Variants in NIPAL3 observed in about 807,000 individuals in gnomAD.
NIPAL3 encodes NIPA like domain containing 3.
Under a neutral mutation model 47.2 loss-of-function variants are expected in NIPAL3, and 41 were observed. The observed-to-expected ratio is 0.87, with a 90% confidence interval of 0.68 to 1.13. NIPAL3 has a LOEUF of 1.13. NIPAL3 is among the 50% of genes most tolerant of loss of function. NIPAL3 has a pLI of 0.00. For missense variants in NIPAL3, 449 were observed against 530.1 expected (o/e 0.85, Z 1.50); for synonymous variants, 194 against 209.6 (o/e 0.93, Z 0.64).
intron 2 of NIPAL3, among the ~76,000 whole-genome samples, chr1:24,429,354 C>CA (rs71032812): frequency 0.98 from 149,865 of 152,342 alleles, 73,723 homozygotes; most frequent in East Asian, 1. Flanking sequence ...CAAATTTAAA[C>CA]TTGGCATTTT....
chr1:24,435,258 C>T (rs935597367), intron 2 of NIPAL3, among the ~76,000 whole-genome samples: 4 of 152,168 alleles, frequency 2.6e-5, no homozygotes, highest in Non-Finnish European at 5.9e-5. Context: ...TAAAAATTAA[C>T]TCAAAATGGA....
intron 2 of NIPAL3, among the ~76,000 whole-genome samples, chr1:24,426,375 A>G (rs1644590617): frequency 6.6e-6 from 1 of 151,756 alleles, no homozygotes; most frequent in African/African-American, 2.4e-5. Flanking sequence ...GCTCACTGCA[A>G]CCTCTACCTT....
intron 10 of NIPAL3, among the ~76,000 whole-genome samples, chr1:24,460,762 T>C (rs1646433603): frequency 6.6e-6 from 1 of 152,194 alleles, no homozygotes; most frequent in Non-Finnish European, 1.5e-5. Context: ...ATTTCTCAAA[T>C]ATCACATTTT....
rs146752843 is a variant in NIPAL3, at chr1:24,455,128, C to T, written c.638-1010C>T. The stretch of plus-strand genomic sequence containing the variant: ...TGTTGGGGGTGTTGGCAGGAGAAAG[C>T]GAAATAAACCAAAGCTGAAGAATAG... On this transcript the variant is annotated intron_variant, in intron 7 of 11. Coordinates refer to ENST00000374399, the MANE Select transcript of NIPAL3 (RefSeq NM_020448.5). Among the ~76,000 whole-genome samples the T allele has an allele frequency of 8.5e-5, 13 of 152,188 alleles. No individual in the cohort carries two copies. In the East Asian group the frequency reaches 1.9e-3, roughly 23 times the overall value.
intron 4 of NIPAL3, among the ~76,000 whole-genome samples, chr1:24,443,316 C>T (rs1480481473): frequency 2.0e-5 from 3 of 152,188 alleles, no homozygotes; most frequent in Admixed American, 1.3e-4. Context: ...GGACAATGAA[C>T]TTGCTTTGAA....
intron 11 of NIPAL3, among the ~76,000 whole-genome samples, chr1:24,467,693 T>C (rs930878119): frequency 6.6e-6 from 1 of 152,162 alleles, no homozygotes; most frequent in African/African-American, 2.4e-5. Context: ...TCAATACACA[T>C]AAGCCATTGT....
Position 24,460,471 on chromosome 1 carries a change from G to A in NIPAL3, c.863-10G>A. On this transcript the variant is annotated splice_polypyrimidine_tract_variant and intron_variant, in intron 9 of 11. Coordinates refer to ENST00000374399, the MANE Select transcript of NIPAL3 (RefSeq NM_020448.5). ...AGCTCAGCGGTATTTTCTATGATTT[G>A]CTGCTGCAGGTGCAATATTTTACCT... is the stretch of plus-strand genomic sequence containing the variant. 6.3e-7 allele frequency: 1 copy of A among 1,585,590 alleles called. No homozygotes were observed. Among genetic ancestry groups the A allele is most frequent in the Non-Finnish European group, 8.6e-7 (1 of 1,168,426 alleles).
chr1:24,443,067 T>A (rs1344959124), intron 4 of NIPAL3, among the ~76,000 whole-genome samples: 1 of 152,220 alleles, frequency 6.6e-6, no homozygotes, highest in African/African-American at 2.4e-5. Context: ...CCTCCCAAAG[T>A]GCTGGGACTA....
At chr1:24,447,304 T>C (rs1313802018) in intron 5 of NIPAL3, among the ~76,000 whole-genome samples, 1 of 152,130 alleles carries the variant, frequency 6.6e-6, no homozygotes, top group Non-Finnish European at 1.5e-5. Flanking sequence ...GATAGAGAGA[T>C]GGATAGATTT....
intron 5 of NIPAL3, 25 bp downstream of exon 5, chr1:24,445,269 T>C (rs1420817548): frequency 6.5e-7 from 1 of 1,547,006 alleles, no homozygotes; most frequent in Non-Finnish European, 8.9e-7. Flanking sequence ...TTGAGCTGTG[T>C]CCTTGATTTT....
At chr1:24,432,160 G>A (rs1262646263) in intron 2 of NIPAL3, among the ~76,000 whole-genome samples, 1 of 152,018 alleles carries the variant, frequency 6.6e-6, no homozygotes, top group Non-Finnish European at 1.5e-5. Flanking sequence ...ATGGAGTTTC[G>A]CTCTTGTTGC....
At chr1:24,441,557 C>T (rs576361689) in intron 3 of NIPAL3, among the ~76,000 whole-genome samples, 4 of 152,280 alleles carry the variant, frequency 2.6e-5, no homozygotes, top group Admixed American at 1.3e-4. Flanking sequence ...CCCACTGATA[C>T]CCACACAACT....
At chr1:24,421,703 G>C (rs940707436) in intron 2 of NIPAL3, 7 of 152,230 alleles carry the variant, frequency 4.6e-5, no homozygotes, top group South Asian at 2.1e-4. Flanking sequence ...GCCTCCTGGT[G>C]GTGGTGAGGA....
At chr1:24,417,330 A>T (rs1335389435) in intron 1 of NIPAL3, among the ~76,000 whole-genome samples, 1 of 152,208 alleles carries the variant, frequency 6.6e-6, no homozygotes, top group South Asian at 2.1e-4. Flanking sequence ...CCTCAACTCC[A>T]TGACTGCTTC....
chr1:24,453,563 G>T, intron 7 of NIPAL3, 59 bp downstream of exon 7: 1 of 1,383,118 alleles, frequency 7.2e-7, no homozygotes, highest in South Asian at 1.2e-5. Context: ...AAATGGAAAT[G>T]TGGGTTTTGT....
In NIPAL3 at chr1:24,416,300, G is replaced by T. The variant is rs569398569; in HGVS notation, c.-258+396G>T. 6.8e-4 allele frequency: 670 copies of T among 985,450 alleles called. 1 individual carries two copies. Among genetic ancestry groups the T allele is most frequent in the Middle Eastern group, 4.2e-3 (8 of 1,914 alleles). 61.0% of individuals were successfully genotyped at this position (985,450 alleles called of 1,614,324 possible). A position where few individuals can be genotyped will look rare whatever the true frequency, so the allele number is the denominator to read the frequency against. ...AACAGAGGTGCTGTCTCCTCGAGTT[G>T]TAAGTTTCCAGCTCAGTGGGACGGG... On this transcript the variant is annotated intron_variant, in intron 1 of 11. Transcript: ENST00000374399. The surrounding 1 kb of genome is among the most constrained non-coding windows in gnomAD (Gnocchi z 4.8).
chr1:24,452,063 T>A (rs901133164), intron 6 of NIPAL3, among the ~76,000 whole-genome samples: 21 of 152,362 alleles, frequency 1.4e-4, no homozygotes, highest in South Asian at 4.1e-4. Flanking sequence ...GGGTTTTTTT[T>A]ATACTAAATC....
At position 24,469,149 on chromosome 1, in the gene NIPAL3, C is replaced by G; in HGVS notation, c.1185C>G (p.Val395=). ...ACGGCTCCAGAAGTGCCTCTGGGGTCCCCTACCGAGTCCTAGAGCACACCA... is the reference window on the plus strand; with the variant it reads ...ACGGCTCCAGAAGTGCCTCTGGGGTGCCCTACCGAGTCCTAGAGCACACCA... ...EEHGSRSASG[V]PYRVLEHTKK... is the part of the protein sequence containing the mutation. The change falls in exon 12 of 12, where the codon GTC becomes GTG. Residue 395 remains valine (V), a synonymous_variant. Coordinates refer to ENST00000374399, the MANE Select transcript of NIPAL3 (RefSeq NM_020448.5). 6.2e-7 allele frequency: 1 copy of G among 1,614,028 alleles called. No individual in the cohort carries two copies. Among genetic ancestry groups the G allele is most frequent in the Non-Finnish European group, 8.5e-7 (1 of 1,180,018 alleles).
chr1:24,437,638 A>G (rs1337752417), intron 2 of NIPAL3, among the ~76,000 whole-genome samples: 2 of 152,018 alleles, frequency 1.3e-5, no homozygotes, highest in African/African-American at 4.8e-5. Context: ...AGGAGCGACA[A>G]CTAATGATTT....
Sources: allele counts gnomAD v4.1 joint callset (sites outside exome capture counted in the v4.1 genomes callset), GRCh38; gene constraint gnomAD v4.1.1; non-coding constraint Gnocchi (gnomAD v3.1); transcripts MANE v1.5; gene names NCBI Gene and HGNC (gene_info 2026-07-23, HGNC 2026-07-21).